Variants in STYXL1 observed in about 807,000 individuals in gnomAD.
STYXL1 encodes serine/threonine/tyrosine interacting like 1.
Under a neutral mutation model 36.4 loss-of-function variants are expected in STYXL1, and 32 were observed. The observed-to-expected ratio is 0.88, with a 90% confidence interval of 0.66 to 1.18. The LOEUF (loss-of-function observed/expected upper bound fraction) is 1.18, where lower values mean the gene tolerates loss of function less well. Among genes scored for constraint, STYXL1 ranks in the 50% most tolerant of loss-of-function variants. STYXL1 has a pLI of 0.00. For synonymous variants in STYXL1, 133 were observed against 144.1 expected (o/e 0.92, Z 0.55); for missense variants, 354 against 394.1 (o/e 0.90, Z 0.86).
chr7:76,018,563 G>A (rs1793674000), intron 4 of STYXL1, among the ~76,000 whole-genome samples: 1 of 152,018 alleles, frequency 6.6e-6, no homozygotes, highest in Admixed American at 6.6e-5. Context: ...GCTAATTTTT[G>A]TATTTTTAAT....
rs782189794 is a variant in STYXL1 at position 76,021,870 on chromosome 7, G to A, written c.288C>T (p.Asp96=). The change falls in exon 4 of 9, where the codon GAC becomes GAT. Residue 96 remains aspartate, a synonymous_variant. Coordinates refer to ENST00000359697, the MANE Select transcript of STYXL1 (RefSeq NM_001317785.2). ...ACCCACCTTTGCCATCACCATCAGA[G>A]TCTGAATCATCATCATCATCTTTTA... The part of the protein sequence containing the change: ...ILLKDDDDDS[D]SDGDGKDLVP... 1.9e-6 allele frequency: 3 copies of A among 1,612,880 alleles called. No homozygotes were observed. Among genetic ancestry groups the A allele is most frequent in the East Asian group, 4.5e-5 (2 of 44,872 alleles).
chr7:76,036,922 C>T (rs1795966969), intron 1 of STYXL1, among the ~76,000 whole-genome samples: 3 of 148,132 alleles, frequency 2.0e-5, no homozygotes, highest in African/African-American at 7.4e-5. Flanking sequence ...GTAGCTGGGA[C>T]TACAGGCGCC....
At chr7:76,037,877 G>A (rs560441885) in intron 1 of STYXL1, among the ~76,000 whole-genome samples, 13 of 150,080 alleles carry the variant, frequency 8.7e-5, no homozygotes, top group African/African-American at 2.2e-4. Flanking sequence ...GTTCTGGTTC[G>A]CGGTGGGAAG....
At chr7:76,021,080 A>ATTTTTTTTTTTTTTTTTTTTTTTT (rs200072611) in intron 4 of STYXL1, among the ~76,000 whole-genome samples, 7 of 144,898 alleles carry the variant, frequency 4.8e-5, no homozygotes, top group African/African-American at 1.5e-4. Flanking sequence ...TGTTACAAGA[A>ATTTTTTTTTTTTTTTTTTTTTTTT]TTTTTTTTTT....
At chr7:76,020,760 C>T (rs1317359443) in intron 4 of STYXL1, among the ~76,000 whole-genome samples, 1 of 152,166 alleles carries the variant, frequency 6.6e-6, no homozygotes, top group Non-Finnish European at 1.5e-5. Flanking sequence ...ATCCTCCTGC[C>T]TCAGCCTCCC....
At chr7:76,030,634 G>T in intron 1 of STYXL1, 107 bp from the exon 2 acceptor site, 1 of 682,652 alleles carries the variant, frequency 1.5e-6, no homozygotes, top group Non-Finnish European at 2.6e-6. Context: ...TTCAAGCAAA[G>T]ATGACAGTAA....
rs549027658 is a variant in STYXL1, at chr7:76,030,663, A to G, written c.-4-136T>C. 1.6e-5 allele frequency: 10 copies of G among 622,240 alleles called. No individual in the cohort carries two copies. The African/African-American group carries it at 1.6e-4, about 10-fold the overall frequency. The allele number at this position is 622,240 out of a possible 1,614,324, so 38.5% of individuals were successfully genotyped here. On this transcript the variant is annotated intron_variant, in intron 1 of 8. Transcript: ENST00000359697. ...ACAGTAATCATGTAAATGATCAGGA[A>G]TGCTTCAAAACTGTATAGTGAAATA...
chr7:75,997,622 G>C (rs1411311668), intron 8 of STYXL1, among the ~76,000 whole-genome samples: 1 of 152,112 alleles, frequency 6.6e-6, no homozygotes, highest in Non-Finnish European at 1.5e-5. Flanking sequence ...AATGAGGCAA[G>C]AAAAAGAAAT....
intron 4 of STYXL1, among the ~76,000 whole-genome samples, chr7:76,016,417 G>A (rs911342322): frequency 1.2e-4 from 18 of 150,178 alleles, no homozygotes; most frequent in Middle Eastern, 3.3e-3. Context: ...ATATCTATAC[G>A]TATACACATA....
intron 3 of STYXL1, among the ~76,000 whole-genome samples, chr7:76,025,758 G>A (rs1261184050): frequency 2.6e-5 from 4 of 151,416 alleles, no homozygotes; most frequent in Non-Finnish European, 5.9e-5. Context: ...CCACTGCACC[G>A]GGCAGACAGA....
intron 1 of STYXL1, among the ~76,000 whole-genome samples, chr7:76,037,638 C>T (rs1156595851): frequency 2.0e-5 from 3 of 149,942 alleles, no homozygotes; most frequent in African/African-American, 7.3e-5. Context: ...TGACCACAGG[C>T]TTCTTGTAGG....
intron 4 of STYXL1, among the ~76,000 whole-genome samples, chr7:76,016,260 CTA>C (rs1425720935): frequency 1.3e-5 from 2 of 150,690 alleles, no homozygotes; most frequent in Admixed American, 6.6e-5. Context: ...ATACGTATAT[CTA>C]TATGTATGTG....
intron 3 of STYXL1, among the ~76,000 whole-genome samples, chr7:76,026,229 A>G (rs1376105032): frequency 1.4e-5 from 2 of 138,628 alleles, no homozygotes; most frequent in Admixed American, 1.5e-4. Context: ...AAAAAAAAAA[A>G]GCAGCAGAGA....
intron 3 of STYXL1, among the ~76,000 whole-genome samples, chr7:76,023,791 G>A (rs1381833794): frequency 1.9e-4 from 29 of 152,068 alleles, no homozygotes; most frequent in Admixed American, 8.5e-4. Flanking sequence ...CAAGGTGGGC[G>A]GATCACCTGA....
Position 76,030,438 on chromosome 7 carries a change from T to C in STYXL1, c.86A>G (p.Asn29Ser), listed in dbSNP as rs924287749. ...ATKLSRLTDP[N>S]YLCLLDVRSK... ...GTACTTACCCAATAAACAGAGATAG[T>C]TGGGGTCTGTTAATCTGGAGAGTTT... Residue 29 changes from asparagine (N) to serine (S), a missense_variant, in exon 2 of 9, where the codon AAC becomes AGC. Physicochemically the swap from Asn to Ser is conservative, Grantham distance 46 (BLOSUM62 1). Coordinates refer to ENST00000359697, the MANE Select transcript of STYXL1 (RefSeq NM_001317785.2). 17 of 1,612,872 alleles carry C rather than the reference T, an allele frequency of 1.1e-5. No homozygotes were observed. The highest frequency in any genetic ancestry group is 5.0e-5 in the Admixed American group (3 of 59,966).
At chr7:76,046,346 G>C (rs545193267) in intron 1 of STYXL1, among the ~76,000 whole-genome samples, 1 of 52,486 alleles carries the variant, frequency 1.9e-5, no homozygotes, top group Non-Finnish European at 3.9e-5. Flanking sequence ...GTGTGCGCGC[G>C]CGCGCGCGCG....
At chr7:76,033,993 G>C (rs1554580144) in intron 1 of STYXL1, among the ~76,000 whole-genome samples, 1 of 152,202 alleles carries the variant, frequency 6.6e-6, no homozygotes, top group African/African-American at 2.4e-5. Context: ...TAATGAGGGT[G>C]ACAGTACCTG....
chr7:76,029,953 G>C (rs1795140127), intron 2 of STYXL1, among the ~76,000 whole-genome samples: 1 of 152,108 alleles, frequency 6.6e-6, no homozygotes, highest in African/African-American at 2.4e-5. Context: ...GTTCCTAACA[G>C]ACCACAGACT....
chr7:76,006,430 A>G (rs149841374), intron 5 of STYXL1, among the ~76,000 whole-genome samples: 1 of 152,062 alleles, frequency 6.6e-6, no homozygotes, highest in Non-Finnish European at 1.5e-5. Context: ...ACACCTACTT[A>G]AATGGGAGCT....
Sources: gnomAD v4.1 joint callset for allele counts (sites outside exome capture counted in the v4.1 genomes callset) on GRCh38, gnomAD v4.1.1 for gene constraint, MANE v1.5 for transcripts, NCBI Gene and HGNC (gene_info 2026-07-23, HGNC 2026-07-21) for gene names.